The following FBXL3 variants were observed in gnomAD, a reference collection of about 807,000 sequenced individuals.
The protein encoded by FBXL3 is F-box and leucine rich repeat protein 3.
A neutral mutation model predicts 37.9 loss-of-function variants in FBXL3; 14 were observed. That is an observed-to-expected ratio of 0.37 (90% CI 0.24 to 0.58). The LOEUF is 0.58. Among genes scored for constraint, FBXL3 ranks in the 20% least tolerant of loss-of-function variants. The probability of loss-of-function intolerance (pLI) is 0.74; values close to 1 mark genes in which losing one functional copy is unlikely to be tolerated. For synonymous variants in FBXL3, 194 were observed against 180.1 expected (o/e 1.08, Z -0.62); for missense variants, 327 against 511.1 (o/e 0.64, Z 3.47).
chr13:77,023,317 A>C (rs915513984), intron 1 of FBXL3, among the ~76,000 whole-genome samples: 1 of 150,576 alleles, frequency 6.6e-6, no homozygotes, highest in Non-Finnish European at 1.5e-5. Flanking sequence ...ACCCGACTCT[A>C]TTTTTGCTTT....
rs1487405112 is a variant in FBXL3, at chr13:77,005,350, T to G, written c.*1795A>C. On this transcript the variant is annotated 3_prime_UTR_variant, in exon 5 of 5. Transcript: ENST00000355619. Reference sequence around the variant, plus strand: ...AATTAAGTACTATGCATTTTGCTTATAAAGTGACAAAGTATTTTAAGCATT... The same window carrying G: ...AATTAAGTACTATGCATTTTGCTTAGAAAGTGACAAAGTATTTTAAGCATT... 1 of 152,610 alleles carries G rather than the reference T, an allele frequency of 6.6e-6. No homozygotes were observed. Among genetic ancestry groups the G allele is most frequent in the Non-Finnish European group, 1.5e-5 (1 of 67,994 alleles). The allele number at this position is 152,610 out of a possible 1,614,324, so 9.5% of individuals were successfully genotyped here. A position where few individuals can be genotyped will look rare whatever the true frequency, so the allele number is the denominator to read the frequency against.
intron 4 of FBXL3, among the ~76,000 whole-genome samples, chr13:77,008,353 G>C (rs1429950629): frequency 6.6e-6 from 1 of 152,112 alleles, no homozygotes; most frequent in Non-Finnish European, 1.5e-5. Context: ...AAAATACCAA[G>C]ATATCACTAA....
rs371783056 is a variant in FBXL3 at position 77,007,577 on chromosome 13, G to A, written c.855C>T (p.Pro285=). ...SSWDAFIRHS[P]KVNLVMYFFL... ...AAAAATACATCACTAAGTTCACTTT[G>A]GGTGAATGTCTGATGAAAGCATCCC... The change falls in exon 5 of 5, where the codon CCC becomes CCT. Residue 285 remains proline (P), a synonymous_variant. Coordinates refer to ENST00000355619, the MANE Select transcript of FBXL3 (RefSeq NM_012158.4). The A allele has an allele frequency of 2.4e-5, 38 of 1,614,106 alleles. No individual in the cohort carries two copies. The East Asian group carries it at 4.5e-4, about 19-fold the overall frequency.
chr13:77,009,150 C>T (rs2034501778), intron 4 of FBXL3: 1 of 152,170 alleles, frequency 6.6e-6, no homozygotes, highest in Admixed American at 6.5e-5. Flanking sequence ...TTAACTACTG[C>T]TTCAGAAATG....
chr13:77,016,789 C>A, intron 3 of FBXL3: 1 of 152,328 alleles, frequency 6.6e-6, no homozygotes, highest in South Asian at 2.0e-4. Flanking sequence ...CCTCGGCTTC[C>A]CAAAGTACTC....
chr13:77,026,133 A>T, intron 1 of FBXL3: 1 of 976,874 alleles, frequency 1.0e-6, no homozygotes, highest in Non-Finnish European at 1.2e-6. Flanking sequence ...TCAACTGGAT[A>T]TCATTAGCAA....
chr13:77,023,353 T>A (rs1471166040), intron 1 of FBXL3, among the ~76,000 whole-genome samples: 1 of 150,522 alleles, frequency 6.6e-6, no homozygotes, highest in African/African-American at 2.4e-5. Flanking sequence ...AGAGTGTGTG[T>A]GTGTGTGTGT....
rs964189433 is a variant in FBXL3, at chr13:77,006,127, G to T, written c.*1018C>A. The T allele has an allele frequency of 6.6e-6, 1 of 152,402 alleles. No homozygotes were observed. Among genetic ancestry groups the T allele is most frequent in the African/African-American group, 2.4e-5 (1 of 41,412 alleles). 9.4% of individuals were successfully genotyped at this position (152,402 alleles called of 1,614,324 possible). ...GCTGTTTATGCTAGACTGTACAATG[G>T]TGCTCCCTTTATGATTTTTAAAAAT... is the stretch of plus-strand genomic sequence containing the variant. On this transcript the variant is annotated 3_prime_UTR_variant, in exon 5 of 5. Coordinates refer to ENST00000355619, the MANE Select transcript of FBXL3 (RefSeq NM_012158.4).
chr13:77,015,455 T>A lies in FBXL3; in HGVS notation c.597A>T (p.Thr199=). The A allele has an allele frequency of 6.2e-7, 1 of 1,605,078 alleles. No homozygotes were observed. The highest frequency in any genetic ancestry group is 1.1e-5 in the South Asian group (1 of 89,100). The stretch of plus-strand genomic sequence containing the variant: ...AGCTGCTCATTTTCAACAGCTTGAG[T>A]GTATCACTATTGTTGGCCACTAGTA... ...LKVLVANNSD[T]LKLLKMSSCP... Residue 199 remains threonine (T), a synonymous_variant, in exon 4 of 5, where the codon ACA becomes ACT. Transcript: ENST00000355619.
Position 77,007,366 on chromosome 13 carries a change from C to A in FBXL3, c.1066G>T (p.Glu356Ter). ...ATAGCTGACAAATTTTTGCAACGTT[C>A]TGCAATGCGAATTAACTCTTCATCA... is the stretch of plus-strand genomic sequence containing the variant. ...PLDEELIRIA[E>*]RCKNLSAIGL... is the part of the protein sequence containing the mutation. The change falls in exon 5 of 5, where the codon GAA becomes TAA. Residue 356 changes from glutamate to a stop codon, truncating the protein, a stop_gained. Transcript: ENST00000355619. LOFTEE classifies it high-confidence loss of function. 6.2e-7 allele frequency: 1 copy of A among 1,614,182 alleles called. No homozygotes were observed. Among genetic ancestry groups the A allele is most frequent in the Non-Finnish European group, 8.5e-7 (1 of 1,180,032 alleles).
chr13:77,026,596 T>C (rs2034843374), intron 1 of FBXL3, among the ~76,000 whole-genome samples: 1 of 151,742 alleles, frequency 6.6e-6, no homozygotes, highest in Admixed American at 6.6e-5. Flanking sequence ...GCACCACGCC[T>C]TGTTGACATG....
At chr13:77,012,084 T>C (rs930421604) in intron 4 of FBXL3, among the ~76,000 whole-genome samples, 6 of 152,318 alleles carry the variant, frequency 3.9e-5, no homozygotes, top group Non-Finnish European at 8.8e-5. Context: ...TTAGTGGTTG[T>C]TGAGGGATGG....
chr13:77,015,274 T>G, intron 4 of FBXL3, 135 bp downstream of exon 4: 1 of 533,856 alleles, frequency 1.9e-6, no homozygotes, highest in Non-Finnish European at 3.1e-6. Flanking sequence ...GCTATTCTAT[T>G]ACTACATTAA....
chr13:77,011,515 A>C (rs966074185), intron 4 of FBXL3, among the ~76,000 whole-genome samples: 1 of 152,232 alleles, frequency 6.6e-6, no homozygotes, highest in Non-Finnish European at 1.5e-5. Context: ...TGAGCCCATG[A>C]GTTCGAGACT....
At chr13:77,016,361 G>C (rs1373763441) in intron 3 of FBXL3, 2 of 152,164 alleles carry the variant, frequency 1.3e-5, no homozygotes, top group African/African-American at 2.4e-5. Context: ...TCGGAGCTAA[G>C]ATATGAGTTG....
intron 4 of FBXL3, among the ~76,000 whole-genome samples, chr13:77,011,781 A>C (rs2034558762): frequency 6.6e-6 from 1 of 152,100 alleles, no homozygotes; most frequent in African/African-American, 2.4e-5. Context: ...TGTAAATCAA[A>C]ACCACAATGA....
chr13:77,026,796 G>A (rs2154038278), intron 1 of FBXL3, 31 bp downstream of exon 1: 1 of 146,016 alleles, frequency 6.8e-6, no homozygotes, highest in African/African-American at 2.5e-5. Context: ...CGCCGTCGCA[G>A]CGGGGCTCGG....
chr13:77,011,198 G>C (rs962260416), intron 4 of FBXL3, among the ~76,000 whole-genome samples: 2 of 151,952 alleles, frequency 1.3e-5, no homozygotes, highest in Non-Finnish European at 2.9e-5. Context: ...AAATTAGCCG[G>C]ATGTGGTGGC....
At position 77,007,074 on chromosome 13, in the gene FBXL3, G is replaced by T; in HGVS notation, c.*71C>A. 1 of 1,507,524 alleles carries T rather than the reference G, an allele frequency of 6.6e-7. No homozygotes were observed. Among genetic ancestry groups the T allele is most frequent in the South Asian group, 1.3e-5 (1 of 74,246 alleles). The allele number at this position is 1,507,524 out of a possible 1,614,324, so 93.4% of individuals were successfully genotyped here. A position where few individuals can be genotyped will look rare whatever the true frequency, so the allele number is the denominator to read the frequency against. On this transcript the variant is annotated 3_prime_UTR_variant, in exon 5 of 5. Coordinates refer to ENST00000355619, the MANE Select transcript of FBXL3 (RefSeq NM_012158.4). ...GCCACAAAATAGTAGAATTATATCA[G>T]AACTACAGCAAATAAAACTTTAATT...
Sources: allele counts gnomAD v4.1 joint callset (sites outside exome capture counted in the v4.1 genomes callset), GRCh38; gene constraint gnomAD v4.1.1; transcripts MANE v1.5; gene names NCBI Gene and HGNC (gene_info 2026-07-23, HGNC 2026-07-21).